The following SPAG16 variants were observed in gnomAD, a reference collection of about 807,000 sequenced individuals.
The protein encoded by SPAG16 is sperm-associated antigen 16 protein.
In SPAG16, 86 loss-of-function variants were observed where a neutral mutation model predicts 80.4. The observed-to-expected ratio is 1.07, with a 90% CI of 0.90 to 1.28. The LOEUF (loss-of-function observed/expected upper bound fraction) is 1.28. SPAG16 is among the 50% of genes most tolerant of loss of function. The pLI is 0.00. For missense variants in SPAG16, 870 were observed against 765.3 expected, an observed-to-expected ratio of 1.14 and a Z score of -1.61; for synonymous variants, 294 against 265.9, an observed-to-expected ratio of 1.11 and a Z score of -1.03.
At chr2:213,859,178 CAAAA>C (rs1165853142) in intron 10 of SPAG16, among the ~76,000 whole-genome samples, 1 of 9,378 alleles carries the variant, frequency 1.1e-4, no homozygotes, top group African/African-American at 4.9e-4. Context: ...CACTCCGTCT[CAAAA>C]AAAAAAAAAA....
intron 9 of SPAG16, among the ~76,000 whole-genome samples, chr2:213,485,117 C>A (rs971471688): frequency 2.0e-5 from 3 of 151,400 alleles, no homozygotes; most frequent in Admixed American, 2.0e-4. Flanking sequence ...GCCTCAGCCC[C>A]CCAAGTAGCT....
At chr2:213,479,894 A>T (rs2073657859) in intron 9 of SPAG16, among the ~76,000 whole-genome samples, 1 of 152,214 alleles carries the variant, frequency 6.6e-6, no homozygotes, top group South Asian at 2.1e-4. Flanking sequence ...GGGGGACAGC[A>T]TGTTTCCATG....
At chr2:213,939,289 C>A (rs2106281638) in intron 12 of SPAG16, among the ~76,000 whole-genome samples, 1 of 152,304 alleles carries the variant, frequency 6.6e-6, no homozygotes, top group East Asian at 1.9e-4. Context: ...TGGAATGGTC[C>A]AGACCCTTGC....
chr2:213,380,714 T>C (rs1048979345), intron 9 of SPAG16, among the ~76,000 whole-genome samples: 2 of 152,180 alleles, frequency 1.3e-5, no homozygotes, highest in Non-Finnish European at 2.9e-5. Flanking sequence ...CTGCAGAAGA[T>C]GGCAGGGCCT....
intron 15 of SPAG16, among the ~76,000 whole-genome samples, chr2:214,336,468 C>A (rs559669368): frequency 2.6e-5 from 4 of 152,060 alleles, no homozygotes; most frequent in Admixed American, 6.5e-5. Context: ...CTAGTGTATA[C>A]CTTTTTGGAG....
chr2:213,642,410 ATGG>A (rs1232750888), intron 10 of SPAG16, among the ~76,000 whole-genome samples: 4 of 152,044 alleles, frequency 2.6e-5, no homozygotes, highest in Non-Finnish European at 5.9e-5. Flanking sequence ...GACAGGTGTG[ATGG>A]TTAATACTGA....
At chr2:213,583,927 G>A (rs995486832) in intron 10 of SPAG16, among the ~76,000 whole-genome samples, 4 of 152,132 alleles carry the variant, frequency 2.6e-5, no homozygotes, top group African/African-American at 4.8e-5. Context: ...TACGAACAAC[G>A]TGAGTGCAGT....
chr2:213,726,951 A>G (rs184071293), intron 10 of SPAG16, among the ~76,000 whole-genome samples: 1 of 152,338 alleles, frequency 6.6e-6, no homozygotes, highest in African/African-American at 2.4e-5. Context: ...AATTTTGAGC[A>G]TATAATAATA....
chr2:213,472,595 A>G (rs1369476556), intron 9 of SPAG16, among the ~76,000 whole-genome samples: 2 of 152,094 alleles, frequency 1.3e-5, no homozygotes, highest in East Asian at 3.9e-4. Flanking sequence ...GGCCTTTCCC[A>G]CCATAATAGC....
chr2:213,463,042 A>G (rs1424043492), intron 9 of SPAG16, among the ~76,000 whole-genome samples: 1 of 152,212 alleles, frequency 6.6e-6, no homozygotes, highest in African/African-American at 2.4e-5. Flanking sequence ...AATGAAGTCC[A>G]GGCTGAGGTT....
intron 15 of SPAG16, among the ~76,000 whole-genome samples, chr2:214,183,651 A>G (rs2057374532): frequency 6.6e-6 from 1 of 152,068 alleles, no homozygotes; most frequent in Non-Finnish European, 1.5e-5. Flanking sequence ...AAGCAGGGAC[A>G]AGGGTGCTGG....
intron 2 of SPAG16, 189 bp from the exon 3 acceptor site, chr2:213,297,073 A>G: frequency 1.3e-5 from 18 of 1,435,634 alleles, no homozygotes; most frequent in Non-Finnish European, 1.7e-5. Flanking sequence ...AGTGACGTTT[A>G]TTGACATTTA....
intron 10 of SPAG16, among the ~76,000 whole-genome samples, chr2:213,628,596 T>A (rs907308528): frequency 6.6e-6 from 1 of 152,230 alleles, no homozygotes; most frequent in Admixed American, 6.5e-5. Context: ...TTACATATCA[T>A]CACAACTTGG....
intron 10 of SPAG16, among the ~76,000 whole-genome samples, chr2:213,692,825 A>G (rs887788248): frequency 6.6e-6 from 1 of 150,802 alleles, no homozygotes. Flanking sequence ...AAAAAAAAAA[A>G]GAAAAAAAAA....
chr2:213,953,992 A>G (rs1035187592), intron 12 of SPAG16, among the ~76,000 whole-genome samples: 15 of 152,120 alleles, frequency 9.9e-5, no homozygotes, highest in African/African-American at 3.6e-4. Context: ...TAAATATAAT[A>G]CACATACCAC....
intron 10 of SPAG16, among the ~76,000 whole-genome samples, chr2:213,790,817 T>C (rs1191586184): frequency 2.6e-5 from 4 of 152,110 alleles, no homozygotes; most frequent in Admixed American, 6.6e-5. Flanking sequence ...ATTCTGATTA[T>C]GTCACATCAG....
intron 10 of SPAG16, among the ~76,000 whole-genome samples, chr2:213,623,263 A>G (rs1408798937): frequency 6.6e-6 from 1 of 152,084 alleles, no homozygotes; most frequent in Non-Finnish European, 1.5e-5. Flanking sequence ...TAAGTGAAGG[A>G]GCTACTGGTT....
In SPAG16 at chr2:213,441,361, C is replaced by T. The variant is rs116695743; in HGVS notation, c.943-48602C>T. ...TGGAGCAAAATGAATGTCTTCTATA[C>T]GCATAGTATGGAATGAAGGCAGCTA... On this transcript the variant is annotated intron_variant, in intron 9 of 15. Transcript: ENST00000331683. 8.8e-4 allele frequency among the ~76,000 whole-genome samples: 134 copies of T among 152,198 alleles called. 1 individual carries two copies. Among genetic ancestry groups the T allele is most frequent in the Middle Eastern group, 3.4e-3 (1 of 294 alleles).
chr2:213,788,276 T>C (rs1467709355), intron 10 of SPAG16, among the ~76,000 whole-genome samples: 2 of 151,942 alleles, frequency 1.3e-5, no homozygotes, highest in Non-Finnish European at 2.9e-5. Context: ...TAAGTATTTA[T>C]AGAAGTAAAT....
Sources: allele counts gnomAD v4.1 joint callset (sites outside exome capture counted in the v4.1 genomes callset), GRCh38; gene constraint gnomAD v4.1.1; transcripts MANE v1.5; gene names NCBI Gene and HGNC (gene_info 2026-07-23, HGNC 2026-07-21).